The following GRIN3A variants were observed in gnomAD, a reference collection of about 807,000 sequenced individuals.
The protein encoded by GRIN3A is glutamate receptor ionotropic, NMDA 3A.
GRIN3A carries 47 observed loss-of-function variants against 92.4 expected under a neutral mutation model. That is an observed-to-expected ratio of 0.51 (90% CI 0.40 to 0.65). The LOEUF (loss-of-function observed/expected upper bound fraction) is 0.65. Ranked by LOEUF, GRIN3A falls within the 30% of genes least tolerant of loss-of-function variation. The probability of loss-of-function intolerance (pLI) is 0.00; values close to 1 mark genes in which losing one functional copy is unlikely to be tolerated. For missense variants in GRIN3A, 1,324 were observed against 1,393.1 expected, an observed-to-expected ratio of 0.95 and a Z score of 0.79; for synonymous variants, 527 against 540.6, an observed-to-expected ratio of 0.97 and a Z score of 0.35.
chr9:101,669,240 C>T (rs1168968931), intron 3 of GRIN3A, among the ~76,000 whole-genome samples: 4 of 152,104 alleles, frequency 2.6e-5, no homozygotes, highest in Non-Finnish European at 5.9e-5. Context: ...TTGGGCTGGA[C>T]TAATTTTCTG....
At chr9:101,629,781 T>C (rs889243449) in intron 3 of GRIN3A, among the ~76,000 whole-genome samples, 1 of 152,236 alleles carries the variant, frequency 6.6e-6, no homozygotes, top group African/African-American at 2.4e-5. Context: ...AGGGCACTGT[T>C]GTTACTTCCT....
intron 2 of GRIN3A, among the ~76,000 whole-genome samples, chr9:101,685,718 A>G (rs1267851179): frequency 1.3e-5 from 2 of 151,052 alleles, no homozygotes; most frequent in Admixed American, 1.3e-4. Context: ...AAATATAATT[A>G]TGAATGTATA....
chr9:101,617,954 A>G (rs1828488311), intron 5 of GRIN3A, among the ~76,000 whole-genome samples: 1 of 151,954 alleles, frequency 6.6e-6, no homozygotes, highest in Non-Finnish European at 1.5e-5. Context: ...AATTTCATCC[A>G]TGTCCCTACA....
intron 3 of GRIN3A, among the ~76,000 whole-genome samples, chr9:101,654,298 T>G (rs965442267): frequency 6.6e-6 from 1 of 151,512 alleles, no homozygotes; most frequent in Non-Finnish European, 1.5e-5. Context: ...TATATATACC[T>G]ATGCACACAC....
chr9:101,632,165 G>T (rs980486499), intron 3 of GRIN3A, among the ~76,000 whole-genome samples: 1 of 152,096 alleles, frequency 6.6e-6, no homozygotes, highest in Non-Finnish European at 1.5e-5. Context: ...GTCGGCCTGG[G>T]ACACTTTTTC....
intron 6 of GRIN3A, among the ~76,000 whole-genome samples, chr9:101,600,108 C>T (rs1471876512): frequency 6.6e-6 from 1 of 152,166 alleles, no homozygotes; most frequent in East Asian, 1.9e-4. Flanking sequence ...TGAATCTTTT[C>T]ACTCATCTGT....
Position 101,628,380 on chromosome 9 carries a change from A to C in GRIN3A, c.2374T>G (p.Phe792Val), listed in dbSNP as rs1443137473. Reference sequence around the variant, plus strand: ...CTTTCTCGGACAGTTCCAAAGCGGAATCCTTGGGAAGGATGATGTAACTAT... The same window carrying C: ...CTTTCTCGGACAGTTCCAAAGCGGACTCCTTGGGAAGGATGATGTAACTAT... ...DPKLHHPSQG[F>V]RFGTVRESSA... Residue 792 changes from phenylalanine (F) to valine (V), a missense_variant, in exon 4 of 9, where the codon TTC (phenylalanine) becomes GTC (valine). Transcript: ENST00000361820. 5.0e-6 allele frequency: 8 copies of C among 1,613,762 alleles called. No homozygotes were observed. The highest frequency in any genetic ancestry group is 3.3e-5 in the Admixed American group (2 of 59,946).
intron 3 of GRIN3A, among the ~76,000 whole-genome samples, chr9:101,662,379 T>G (rs1232601121): frequency 6.6e-6 from 1 of 151,786 alleles, no homozygotes; most frequent in Non-Finnish European, 1.5e-5. Flanking sequence ...GCCCCTTAGG[T>G]GTCAGACACT....
intron 1 of GRIN3A, among the ~76,000 whole-genome samples, chr9:101,693,706 T>A (rs1456499580): frequency 6.6e-6 from 1 of 152,158 alleles, no homozygotes; most frequent in African/African-American, 2.4e-5. Context: ...AGTGTGCACA[T>A]GGCTTCCCAG....
intron 2 of GRIN3A, among the ~76,000 whole-genome samples, chr9:101,678,923 T>G (rs1829434122): frequency 6.6e-6 from 1 of 152,202 alleles, no homozygotes; most frequent in African/African-American, 2.4e-5. Flanking sequence ...TGTCCTTACC[T>G]TTTGCTTTTT....
chr9:101,688,751 T>C (rs1029393265), intron 1 of GRIN3A, among the ~76,000 whole-genome samples: 2 of 152,110 alleles, frequency 1.3e-5, no homozygotes, highest in African/African-American at 4.8e-5. Context: ...AAACCCCGTC[T>C]CTACTAAAAA....
chr9:101,661,637 C>A (rs1375636466), intron 3 of GRIN3A, among the ~76,000 whole-genome samples: 1 of 151,702 alleles, frequency 6.6e-6, no homozygotes, highest in African/African-American at 2.4e-5. Flanking sequence ...TACATGGTTT[C>A]CAAGTTTTTG....
At chr9:101,639,411 T>A (rs1828825299) in intron 3 of GRIN3A, among the ~76,000 whole-genome samples, 1 of 152,132 alleles carries the variant, frequency 6.6e-6, no homozygotes, top group African/African-American at 2.4e-5. Context: ...GTTTATATAA[T>A]TGACTTGCTA....
At chr9:101,586,484 TTAA>T (rs927871419) in intron 6 of GRIN3A, among the ~76,000 whole-genome samples, 21 of 152,106 alleles carry the variant, frequency 1.4e-4, no homozygotes, top group African/African-American at 5.1e-4. Context: ...GAACAGTTGT[TTAA>T]GAGAGAAGGG....
chr9:101,696,250 T>C (rs1829682755), intron 1 of GRIN3A, among the ~76,000 whole-genome samples: 2 of 152,248 alleles, frequency 1.3e-5, no homozygotes, highest in Non-Finnish European at 2.9e-5. Context: ...ATATTATGCA[T>C]GTGAAAGTGC....
intron 1 of GRIN3A, among the ~76,000 whole-genome samples, chr9:101,726,617 A>G (rs987569295): frequency 3.9e-5 from 6 of 152,046 alleles, no homozygotes; most frequent in Admixed American, 6.6e-5. Context: ...TTCTATATCT[A>G]TGTTGTCCAA....
chr9:101,630,449 C>T (rs1828696163), intron 3 of GRIN3A, among the ~76,000 whole-genome samples: 1 of 152,074 alleles, frequency 6.6e-6, no homozygotes, highest in Non-Finnish European at 1.5e-5. Context: ...TTGATCCTAC[C>T]AAGAAATGTG....
chr9:101,735,835 C>T (rs1464007478), intron 1 of GRIN3A, among the ~76,000 whole-genome samples: 1 of 148,590 alleles, frequency 6.7e-6, no homozygotes, highest in Non-Finnish European at 1.5e-5. Flanking sequence ...CATTCAGATT[C>T]AGGTGACAGA....
In GRIN3A at chr9:101,686,711, C is replaced by T. The variant is rs573954685; in HGVS notation, c.1189G>A (p.Ala397Thr). ...HYVQDAMELVARAVATATMIQ... is the reference protein window; with the variant it reads ...HYVQDAMELVTRAVATATMIQ... ...ATGGTGGCTGTGGCTACAGCTCTTG[C>T]GACCAGCTCCATAGCATCTTGTACG... Residue 397 changes from alanine to threonine, a missense_variant, in exon 2 of 9, where the codon GCA (alanine) becomes ACA (threonine). Ala to Thr is a moderately conservative substitution (Grantham distance 58). Transcript: ENST00000361820. 7.4e-6 allele frequency: 12 copies of T among 1,614,152 alleles called. No individual in the cohort carries two copies. The highest frequency in any genetic ancestry group is 5.3e-5 in the African/African-American group (4 of 75,018).
Sources: allele counts gnomAD v4.1 joint callset (sites outside exome capture counted in the v4.1 genomes callset), GRCh38; gene constraint gnomAD v4.1.1; transcripts MANE v1.5; gene names NCBI Gene and HGNC (gene_info 2026-07-23, HGNC 2026-07-21).